ABLIM1: variants seen among roughly 807,000 people sequenced by gnomAD.
The protein encoded by ABLIM1 is actin-binding LIM protein 1.
ABLIM1 carries 40 observed loss-of-function variants against 107.0 expected under a neutral mutation model. The observed-to-expected ratio is 0.37, with a 90% CI of 0.29 to 0.49. The LOEUF is 0.49. Ranked by LOEUF, ABLIM1 falls within the 20% of genes least tolerant of loss-of-function variation. The pLI is 0.97. For synonymous variants in ABLIM1, 357 were observed against 357.3 expected (o/e 1.00, Z 0.01); for missense variants, 857 against 1,008.5 (o/e 0.85, Z 2.04).
intron 2 of ABLIM1, among the ~76,000 whole-genome samples, chr10:114,587,422 G>A (rs867270263): frequency 2.6e-5 from 4 of 152,070 alleles, no homozygotes; most frequent in African/African-American, 7.2e-5. Context: ...TGAAAGAAGA[G>A]CTTACATGAT....
At chr10:114,504,768 AG>A (rs2060905212) in intron 6 of ABLIM1, among the ~76,000 whole-genome samples, 1 of 152,202 alleles carries the variant, frequency 6.6e-6, no homozygotes, top group South Asian at 2.1e-4. Flanking sequence ...ACCTGGACTT[AG>A]CTGTTTATAT....
At chr10:114,612,048 C>A (rs117578303) in intron 1 of ABLIM1, among the ~76,000 whole-genome samples, 9 of 152,164 alleles carry the variant, frequency 5.9e-5, no homozygotes, top group Admixed American at 5.2e-4. Flanking sequence ...ACATGCCCGA[C>A]CTTCTAGGGT....
At chr10:114,709,824 T>G (rs2081508384) in intron 1 of ABLIM1, among the ~76,000 whole-genome samples, 1 of 152,244 alleles carries the variant, frequency 6.6e-6, no homozygotes, top group African/African-American at 2.4e-5. Flanking sequence ...TTTTGAAATG[T>G]TGTCATTTGT....
intron 1 of ABLIM1, among the ~76,000 whole-genome samples, chr10:114,625,992 G>C (rs1183687122): frequency 6.6e-6 from 1 of 152,144 alleles, no homozygotes; most frequent in Non-Finnish European, 1.5e-5. Context: ...AATAAAATAA[G>C]ATTGGCTTAG....
intron 6 of ABLIM1, among the ~76,000 whole-genome samples, chr10:114,520,295 G>T (rs1195266830): frequency 6.6e-6 from 1 of 152,126 alleles, no homozygotes; most frequent in East Asian, 1.9e-4. Context: ...GAACATCCTG[G>T]GGCCAATCAA....
exon 1 of ABLIM1, chr10:114,684,660 C>T: frequency 8.8e-7 from 1 of 1,141,220 alleles, no homozygotes; most frequent in Non-Finnish European, 1.1e-6. Context: ...AATGACGCCA[C>T]ACCCACTGAA....
intron 1 of ABLIM1, among the ~76,000 whole-genome samples, chr10:114,695,458 G>T (rs1286712714): frequency 6.6e-6 from 1 of 152,048 alleles, no homozygotes; most frequent in East Asian, 1.9e-4. Context: ...CAAATTAAAT[G>T]GGGGAAAGAA....
intron 1 of ABLIM1, among the ~76,000 whole-genome samples, chr10:114,679,166 G>A (rs949032473): frequency 6.6e-6 from 1 of 151,950 alleles, no homozygotes; most frequent in African/African-American, 2.4e-5. Context: ...AAAGAAAGAA[G>A]GAAAGAAAGA....
intron 4 of ABLIM1, among the ~76,000 whole-genome samples, chr10:114,569,412 C>T (rs891375338): frequency 7.9e-5 from 12 of 151,798 alleles, no homozygotes; most frequent in Admixed American, 2.6e-4. Context: ...CTCTGCCTTC[C>T]GGTTTCAAGG....
intron 1 of ABLIM1, among the ~76,000 whole-genome samples, chr10:114,603,310 T>C (rs1420780225): frequency 6.6e-6 from 1 of 152,172 alleles, no homozygotes; most frequent in Non-Finnish European, 1.5e-5. Context: ...TTGAACAAGA[T>C]AGTCCAAATA....
At chr10:114,702,948 A>T (rs920577850) in intron 1 of ABLIM1, among the ~76,000 whole-genome samples, 20 of 152,164 alleles carry the variant, frequency 1.3e-4, no homozygotes, top group African/African-American at 4.3e-4. Flanking sequence ...TAATTATTTT[A>T]TTTGTTGATG....
intron 8 of ABLIM1, among the ~76,000 whole-genome samples, chr10:114,474,384 C>CTTTT (rs71007472): frequency 0.45 from 61,110 of 135,460 alleles, 14,282 homozygotes; most frequent in East Asian, 0.57. Context: ...ATAGAGAGAC[C>CTTTT]TTTTTTTTTT....
intron 1 of ABLIM1, among the ~76,000 whole-genome samples, chr10:114,729,230 T>C (rs2082023894): frequency 6.6e-6 from 1 of 152,128 alleles, no homozygotes; most frequent in South Asian, 2.1e-4. Flanking sequence ...AAAGCCAATG[T>C]TCTCCACCAT....
upstream of ABLIM1, among the ~76,000 whole-genome samples, chr10:114,686,685 T>C (rs776205767): frequency 1.3e-5 from 2 of 152,164 alleles, no homozygotes; most frequent in East Asian, 1.9e-4. Flanking sequence ...CTGGATTGCA[T>C]TGGCACAATC....
chr10:114,755,115 C>T lies in ABLIM1; in HGVS notation c.-213+12946G>A, dbSNP rs112818791. On this transcript the variant is annotated intron_variant, in intron 1 of 15. Transcript: ENST00000651092. ...TGAGGAACGGAGCCGCACAGCAGGACGTGAGCAGCAGGCAAGCGAGCATTA... is the reference window on the plus strand; with the variant it reads ...TGAGGAACGGAGCCGCACAGCAGGATGTGAGCAGCAGGCAAGCGAGCATTA... Among the ~76,000 whole-genome samples, 1,158 of 152,288 alleles carry T rather than the reference C, an allele frequency of 7.6e-3. 11 individuals are homozygous for T. The highest frequency in any genetic ancestry group is 0.027 in the African/African-American group (1,113 of 41,556).
At chr10:114,792,756 T>C in the ABLIM1 span, among the ~76,000 whole-genome samples, 2 of 152,354 alleles carry the variant, frequency 1.3e-5, no homozygotes, top group South Asian at 4.1e-4. Context: ...AGCTTGGACC[T>C]TTCCCTTGAA....
At chr10:114,718,111 G>GAA (rs879328175) in intron 1 of ABLIM1, among the ~76,000 whole-genome samples, 57,572 of 107,488 alleles carry the variant, frequency 0.54, 17,784 homozygotes, top group Non-Finnish European at 0.65. Context: ...AAAAGAAAAA[G>GAA]AAAGAAAGAA....
At chr10:114,528,521 T>C (rs2065110229) in intron 6 of ABLIM1, among the ~76,000 whole-genome samples, 1 of 152,172 alleles carries the variant, frequency 6.6e-6, no homozygotes, top group South Asian at 2.1e-4. Context: ...AAATTTCTAG[T>C]GCATTTTTCT....
At chr10:114,763,378 T>C (rs1192774077) in intron 1 of ABLIM1, among the ~76,000 whole-genome samples, 1 of 149,890 alleles carries the variant, frequency 6.7e-6, no homozygotes. Flanking sequence ...TATGTTAACA[T>C]AGTTTTGTTG....
Sources: allele counts gnomAD v4.1 joint callset (sites outside exome capture counted in the v4.1 genomes callset), GRCh38; gene constraint gnomAD v4.1.1; transcripts MANE v1.5; gene names NCBI Gene and HGNC (gene_info 2026-07-23, HGNC 2026-07-21).